Variants in PTPN11 observed in about 807,000 individuals in gnomAD.
The protein encoded by PTPN11 is protein tyrosine phosphatase non-receptor type 11, also known as tyrosine-protein phosphatase non-receptor type 11.
In PTPN11, 6 loss-of-function variants were observed where a neutral mutation model predicts 78.8. The observed-to-expected ratio is 0.08, with a 90% CI of 0.04 to 0.15. The LOEUF (loss-of-function observed/expected upper bound fraction) is 0.15. PTPN11 is among the 10% of genes least tolerant of loss of function. The probability of loss-of-function intolerance (pLI) is 1.00; values close to 1 mark genes in which losing one functional copy is unlikely to be tolerated. For missense variants in PTPN11, 386 were observed against 744.8 expected (o/e 0.52, Z 5.61); for synonymous variants, 221 against 263.5 (o/e 0.84, Z 1.56).
At chr12:112,472,903 C>A in intron 6 of PTPN11, 41 bp from the exon 7 acceptor site, 1 of 1,465,884 alleles carries the variant, frequency 6.8e-7, no homozygotes, top group Non-Finnish European at 9.6e-7. Flanking sequence ...TTTTCTGTGA[C>A]TCTTTGACAC....
chr12:112,494,218 C>T (rs2038787697), intron 13 of PTPN11, among the ~76,000 whole-genome samples: 1 of 152,228 alleles, frequency 6.6e-6, no homozygotes, highest in Non-Finnish European at 1.5e-5. Context: ...GGTGCCACTG[C>T]ACTTTAGCCT....
At position 112,503,550 on chromosome 12, in the gene PTPN11, C is replaced by A. The variant is rs7132778; in HGVS notation, c.1713-1145C>A. 0.056 allele frequency among the ~76,000 whole-genome samples: 8,580 copies of A among 152,232 alleles called. 1,313 individuals carry two copies. In the East Asian group the frequency reaches 0.61, roughly 11 times the overall value. ...TTCTCGTCCAAGTTGCCACTTCTTT[C>A]TATCTTTTTTCTTTTCTTTCCCAGT... On this transcript the variant is annotated intron_variant, in intron 14 of 15. Transcript: ENST00000351677.
Position 112,506,011 on chromosome 12 carries a change from C to G in PTPN11, c.*219C>G, listed in dbSNP as rs1309460487. 5 of 152,384 alleles carry G rather than the reference C, an allele frequency of 3.3e-5. No individual in the cohort carries two copies. In the South Asian group the frequency reaches 8.3e-4, roughly 25 times the overall value. The allele number at this position is 152,384 out of a possible 1,614,324, so 9.4% of individuals were successfully genotyped here. On this transcript the variant is annotated 3_prime_UTR_variant, in exon 16 of 16. Transcript: ENST00000351677. ...CCTGCTTCCCAATTACTCATTTCCTCAGATAAGAAGAAATCATCTCTACAA... is the reference window on the plus strand; with the variant it reads ...CCTGCTTCCCAATTACTCATTTCCTGAGATAAGAAGAAATCATCTCTACAA...
intron 9 of PTPN11, among the ~76,000 whole-genome samples, chr12:112,478,739 T>G (rs1386040315): frequency 6.6e-6 from 1 of 152,162 alleles, no homozygotes; most frequent in East Asian, 1.9e-4. Context: ...CTGTTGTTGT[T>G]TTTTGTTTTG....
chr12:112,454,837 T>TTTTA (rs2038131294), intron 5 of PTPN11, 157 bp downstream of exon 5: 1 of 677,820 alleles, frequency 1.5e-6, no homozygotes, highest in Middle Eastern at 3.5e-4. Flanking sequence ...TTTTTTTTTT[T>TTTTA]TTGAGACAGT....
At chr12:112,480,292 G>A (rs1003522110) in intron 9 of PTPN11, among the ~76,000 whole-genome samples, 2 of 151,946 alleles carry the variant, frequency 1.3e-5, no homozygotes, top group Non-Finnish European at 2.9e-5. Flanking sequence ...AAATCTGTCA[G>A]AGGTGTTTGG....
Position 112,418,950 on chromosome 12 carries a change from C to T in PTPN11, c.-162C>T, listed in dbSNP as rs1051890756. ...CCGGGCCGGGGGGCAGCTGCACAGT[C>T]TCCGGGATCCCCAGGCCTGGAGGGG... is the stretch of plus-strand genomic sequence containing the variant. On this transcript the variant is annotated 5_prime_UTR_variant, in exon 1 of 16. Transcript: ENST00000351677. 1.2e-6 allele frequency: 1 copy of T among 841,572 alleles called. No individual in the cohort carries two copies. The highest frequency in any genetic ancestry group is 1.8e-5 in the African/African-American group (1 of 56,154). The allele number at this position is 841,572 out of a possible 1,614,324, so 52.1% of individuals were successfully genotyped here. A position where few individuals can be genotyped will look rare whatever the true frequency, so the allele number is the denominator to read the frequency against.
At chr12:112,461,048 T>C (rs2038239833) in intron 6 of PTPN11, among the ~76,000 whole-genome samples, 2 of 152,178 alleles carry the variant, frequency 1.3e-5, no homozygotes, top group South Asian at 4.1e-4. Context: ...CTTATATTTC[T>C]TGTAAGTTGA....
At chr12:112,444,285 A>G (rs988752281) in intron 1 of PTPN11, among the ~76,000 whole-genome samples, 2 of 152,136 alleles carry the variant, frequency 1.3e-5, no homozygotes, top group Admixed American at 6.5e-5. Context: ...CGTGTTTTCA[A>G]TTACTTTGAG....
At chr12:112,473,952 A>G (rs1471277222) in intron 7 of PTPN11, among the ~76,000 whole-genome samples, 2 of 152,096 alleles carry the variant, frequency 1.3e-5, no homozygotes, top group South Asian at 2.1e-4. Flanking sequence ...GTGCAGTCAC[A>G]GCTCACTGTA....
intron 6 of PTPN11, among the ~76,000 whole-genome samples, chr12:112,467,185 A>T (rs1358963027): frequency 6.6e-6 from 1 of 152,170 alleles, no homozygotes; most frequent in East Asian, 1.9e-4. Context: ...ACTCACAGTC[A>T]GTAGTGCCGT....
chr12:112,459,452 A>G (rs1432075337), intron 6 of PTPN11, among the ~76,000 whole-genome samples: 8 of 142,670 alleles, frequency 5.6e-5, no homozygotes, highest in Non-Finnish European at 1.2e-4. Flanking sequence ...TTTTTTTGAG[A>G]TAGAGTTTTG....
chr12:112,443,650 G>A (rs1040664457), intron 1 of PTPN11, among the ~76,000 whole-genome samples: 1 of 149,280 alleles, frequency 6.7e-6, no homozygotes, highest in African/African-American at 2.5e-5. Flanking sequence ...CACTGTGCCC[G>A]GTCTTTTTTT....
At chr12:112,486,957 G>T in intron 11 of PTPN11, 1 of 1,292,970 alleles carries the variant, frequency 7.7e-7, no homozygotes, top group African/African-American at 1.5e-5. Context: ...CATGATGTTT[G>T]CTTTGTAGCT....
intron 1 of PTPN11, among the ~76,000 whole-genome samples, chr12:112,426,259 CT>C (rs1013214576): frequency 3.3e-5 from 5 of 150,218 alleles, no homozygotes; most frequent in South Asian, 2.1e-4. Flanking sequence ...TTTGTAAACT[CT>C]TTTTTTTTTC....
chr12:112,473,572 C>T (rs935705510), intron 7 of PTPN11, among the ~76,000 whole-genome samples: 5 of 152,058 alleles, frequency 3.3e-5, no homozygotes, highest in Non-Finnish European at 7.4e-5. Context: ...GTGGGCCGGG[C>T]GCAGTGGCTC....
chr12:112,474,232 C>T (rs1352900593), intron 7 of PTPN11, among the ~76,000 whole-genome samples: 1 of 152,078 alleles, frequency 6.6e-6, no homozygotes, highest in Non-Finnish European at 1.5e-5. Context: ...TGCCTGTAAT[C>T]CCAGCTACTT....
chr12:112,474,514 G>C (rs1192697051), intron 7 of PTPN11, among the ~76,000 whole-genome samples: 2 of 152,042 alleles, frequency 1.3e-5, no homozygotes, highest in African/African-American at 4.8e-5. Context: ...CATTGTGCCT[G>C]GCTGTACCTT....
chr12:112,470,940 A>G (rs559722244), intron 6 of PTPN11, among the ~76,000 whole-genome samples: 3 of 152,354 alleles, frequency 2.0e-5, no homozygotes, highest in Admixed American at 2.0e-4. Flanking sequence ...GTCCAAGGAA[A>G]TGCTTGCCCA....
Sources: gnomAD v4.1 joint callset for allele counts (sites outside exome capture counted in the v4.1 genomes callset) on GRCh38, gnomAD v4.1.1 for gene constraint, MANE v1.5 for transcripts, NCBI Gene and HGNC (gene_info 2026-07-23, HGNC 2026-07-21) for gene names.